IGSF11: variants seen among roughly 807,000 people sequenced by gnomAD.
IGSF11 encodes immunoglobulin superfamily member 11, also known as CXADR like 1.
In IGSF11, 22 loss-of-function variants were observed where a neutral mutation model predicts 41.0. The ratio of observed to expected loss-of-function variants is 0.54; its 90% CI spans 0.38 to 0.77. IGSF11 has a LOEUF of 0.77. Among genes scored for constraint, IGSF11 ranks in the 30% least tolerant of loss-of-function variants. IGSF11 has a pLI of 0.00. For synonymous variants in IGSF11, 219 were observed against 201.3 expected (o/e 1.09, Z -0.74); for missense variants, 444 against 530.8 (o/e 0.84, Z 1.61).
chr3:118,953,269 T>C (rs180890959), intron 1 of IGSF11, among the ~76,000 whole-genome samples: 1 of 152,312 alleles, frequency 6.6e-6, no homozygotes, highest in East Asian at 1.9e-4. Context: ...CATGAATATA[T>C]ACCACAATTT....
rs549974021 is a variant in IGSF11 at position 119,078,148 on chromosome 3, A to G, written c.49+26996T>C. ...CCTATCAAACTAAGGCATTTTTCATAAAATTAGAAAAAACTATTCTAAAAT... is the reference window on the plus strand; with the variant it reads ...CCTATCAAACTAAGGCATTTTTCATGAAATTAGAAAAAACTATTCTAAAAT... On this transcript the variant is annotated intron_variant, in intron 1 of 6. Coordinates refer to the IGSF11 transcript ENST00000354673. Among the ~76,000 whole-genome samples the G allele has an allele frequency of 5.9e-5, 9 of 152,334 alleles. No individual in the cohort carries two copies. The South Asian group carries it at 1.7e-3, about 28-fold the overall frequency.
chr3:119,066,052 C>T (rs759418835), intron 1 of IGSF11, among the ~76,000 whole-genome samples: 3 of 152,028 alleles, frequency 2.0e-5, no homozygotes, highest in Admixed American at 6.6e-5. Flanking sequence ...TCCATTTCAT[C>T]ATAATTTTCA....
In IGSF11 at chr3:118,926,204, G is replaced by A. The variant is rs751879232; in HGVS notation, c.477C>T (p.Ser159=). Residue 159 remains serine, a synonymous_variant, in exon 4 of 7, where the codon AGC becomes AGT. Coordinates refer to ENST00000393775, the MANE Select transcript of IGSF11 (RefSeq NM_001015887.3). ...CTGAGCTACAGAGCAGGATGACATC[G>A]CTGCCAATATCCTGGGATCCTTGGA... ...CQIQGSQDIG[S]DVILLCSSEE... is the part of the protein sequence containing the mutation. 17 of 1,610,648 alleles carry A rather than the reference G, an allele frequency of 1.1e-5. No individual in the cohort carries two copies. In the East Asian group the frequency reaches 1.6e-4, roughly 15 times the overall value.
At chr3:119,077,323 C>T (rs146620222) in intron 1 of IGSF11, among the ~76,000 whole-genome samples, 8,882 of 151,886 alleles carry the variant, frequency 0.058, 373 homozygotes, top group Admixed American at 0.15. Flanking sequence ...ATGTAAATGA[C>T]GAGTTAATGG....
At chr3:118,969,041 C>T (rs1263804659) in intron 1 of IGSF11, among the ~76,000 whole-genome samples, 1 of 152,026 alleles carries the variant, frequency 6.6e-6, no homozygotes, top group East Asian at 1.9e-4. Flanking sequence ...CTATGCCCAC[C>T]ATATGCTAGC....
intron 1 of IGSF11, among the ~76,000 whole-genome samples, chr3:119,083,855 C>T (rs2076627575): frequency 6.6e-6 from 1 of 152,064 alleles, no homozygotes; most frequent in Admixed American, 6.6e-5. Flanking sequence ...GAGTATACTC[C>T]TTCTATTTAT....
Position 119,104,349 on chromosome 3 carries a change from G to A in IGSF11, c.49+795C>T, listed in dbSNP as rs945069541. Among the ~76,000 whole-genome samples the A allele has an allele frequency of 3.3e-5, 5 of 152,160 alleles. 1 individual carries two copies. Among genetic ancestry groups the A allele is most frequent in the East Asian group, 3.9e-4 (2 of 5,182 alleles). On this transcript the variant is annotated intron_variant, in intron 1 of 6. Coordinates refer to the IGSF11 transcript ENST00000354673. ...ATTACAACATATCGAATTTCTTTTA[G>A]TTATTCAAACTCCCCGTAATCTGCT... is the stretch of plus-strand genomic sequence containing the variant.
intron 4 of IGSF11, among the ~76,000 whole-genome samples, chr3:118,916,937 C>G (rs906932938): frequency 1.3e-4 from 20 of 152,174 alleles, no homozygotes; most frequent in Non-Finnish European, 2.5e-4. Context: ...CAAACTAGAA[C>G]TCAGGATTAA....
At chr3:118,966,903 G>T (rs1204770308) in intron 1 of IGSF11, among the ~76,000 whole-genome samples, 1 of 152,064 alleles carries the variant, frequency 6.6e-6, no homozygotes, top group Admixed American at 6.6e-5. Flanking sequence ...ACAGGGCTCT[G>T]CCTGCACAGG....
chr3:118,933,489 T>TATATATATATATAC (rs561820742), intron 1 of IGSF11, among the ~76,000 whole-genome samples: 4 of 148,802 alleles, frequency 2.7e-5, no homozygotes, highest in East Asian at 3.9e-4. Context: ...TATATATATA[T>TATATATATATATAC]ACACACACAC....
chr3:119,030,932 A>G (rs557873235), intron 1 of IGSF11, among the ~76,000 whole-genome samples: 44 of 152,352 alleles, frequency 2.9e-4, no homozygotes, highest in Middle Eastern at 3.4e-3. Context: ...TAGTCTAGAT[A>G]ACAATAGATG....
chr3:119,118,630 A>T (rs145857103), intron 1 of IGSF11, among the ~76,000 whole-genome samples: 373 of 152,356 alleles, frequency 2.4e-3, no homozygotes, highest in African/African-American at 8.4e-3. Context: ...TCAGCTCCTC[A>T]TTACTTATGC....
intron 3 of IGSF11, among the ~76,000 whole-genome samples, chr3:118,927,924 CGTT>C (rs1267888613): frequency 1.3e-5 from 2 of 151,738 alleles, no homozygotes; most frequent in Non-Finnish European, 2.9e-5. Flanking sequence ...TTAATCTAAA[CGTT>C]GTTGTTTATT....
chr3:119,080,172 C>A (rs1027405811), intron 1 of IGSF11, among the ~76,000 whole-genome samples: 13 of 152,176 alleles, frequency 8.5e-5, no homozygotes, highest in African/African-American at 3.1e-4. Flanking sequence ...TTACATATGA[C>A]TCTCTAAACT....
intron 1 of IGSF11, among the ~76,000 whole-genome samples, chr3:119,065,670 G>A (rs1471003216): frequency 6.6e-6 from 1 of 151,724 alleles, no homozygotes; most frequent in Non-Finnish European, 1.5e-5. Flanking sequence ...GTGTGCAACT[G>A]TAATCCCAGC....
In IGSF11 at chr3:119,045,405, T is replaced by C. The variant is rs547608170; in HGVS notation, c.49+59739A>G. Among the ~76,000 whole-genome samples the C allele has an allele frequency of 4.1e-4, 63 of 152,220 alleles. No homozygotes were observed. The East Asian group carries it at 0.012, about 28-fold the overall frequency. ...GACGAACGGCACCTGGAAAATCGGGTCACTCCCACCCGAATACTGCGCTTT... is the reference window on the plus strand; with the variant it reads ...GACGAACGGCACCTGGAAAATCGGGCCACTCCCACCCGAATACTGCGCTTT... On this transcript the variant is annotated intron_variant, in intron 1 of 6. Transcript: ENST00000354673.
At position 119,001,581 on chromosome 3, in the gene IGSF11, A is replaced by G. The variant is rs570561358; in HGVS notation, c.52+32950T>C. On this transcript the variant is annotated intron_variant, in intron 1 of 6. Coordinates refer to ENST00000393775, the MANE Select transcript of IGSF11 (RefSeq NM_001015887.3). ...GGTGCGCTGCACCCACTAACTCGTC[A>G]TCTAGCATTAGGTATATCTCCCAAT... Among the ~76,000 whole-genome samples, 23 of 134,912 alleles carry G rather than the reference A, an allele frequency of 1.7e-4. 1 individual carries two copies. In the South Asian group the frequency reaches 5.4e-3, roughly 31 times the overall value. The allele number at this position is 134,912 out of a possible 152,430, so 88.5% of individuals were successfully genotyped here.
chr3:118,952,340 C>T (rs1201598852), intron 1 of IGSF11, among the ~76,000 whole-genome samples: 1 of 152,148 alleles, frequency 6.6e-6, no homozygotes, highest in East Asian at 1.9e-4. Context: ...TGAAAGATTT[C>T]TCTGTAGCAG....
intron 1 of IGSF11, among the ~76,000 whole-genome samples, chr3:119,053,230 T>C (rs1576736462): frequency 6.6e-6 from 1 of 152,042 alleles, no homozygotes; most frequent in African/African-American, 2.4e-5. Context: ...TTTGCTGCTG[T>C]TTTCTAGGTA....
Sources: gnomAD v4.1 joint callset for allele counts (sites outside exome capture counted in the v4.1 genomes callset) on GRCh38, gnomAD v4.1.1 for gene constraint, MANE v1.5 for transcripts, NCBI Gene and HGNC (gene_info 2026-07-23, HGNC 2026-07-21) for gene names.